The following BACH2 variants were observed in gnomAD, a reference collection of about 807,000 sequenced individuals.
BACH2 encodes transcription regulator protein BACH2.
A neutral mutation model predicts 61.8 loss-of-function variants in BACH2; 5 were observed. The ratio of observed to expected loss-of-function variants is 0.08; its 90% CI spans 0.04 to 0.17. The LOEUF is 0.17. Ranked by LOEUF, BACH2 falls within the 10% of genes least tolerant of loss-of-function variation. The probability of loss-of-function intolerance (pLI) is 1.00; values close to 1 mark genes in which losing one functional copy is unlikely to be tolerated. For missense variants in BACH2, 824 were observed against 1,091.1 expected (o/e 0.76, Z 3.45); for synonymous variants, 446 against 440.1 (o/e 1.01, Z -0.17).
At chr6:90,243,046 ATTTTTTTTTT>A (rs397886318) in intron 3 of BACH2, among the ~76,000 whole-genome samples, 3 of 101,230 alleles carry the variant, frequency 3.0e-5, no homozygotes, top group Non-Finnish European at 4.1e-5. Context: ...TGCCCGGCTA[ATTTTTTTTTT>A]TTTTTTTTTT....
chr6:90,230,561 T>C (rs866791345), intron 3 of BACH2, among the ~76,000 whole-genome samples: 4 of 152,222 alleles, frequency 2.6e-5, no homozygotes, highest in African/African-American at 9.6e-5. Flanking sequence ...ATGGCAGCCT[T>C]TGCTTCAGAA....
At chr6:90,113,421 A>G (rs973899370) in intron 4 of BACH2, among the ~76,000 whole-genome samples, 8 of 152,228 alleles carry the variant, frequency 5.3e-5, no homozygotes, top group African/African-American at 1.4e-4. Flanking sequence ...TAAAAATAGA[A>G]GTCAACACAA....
chr6:90,063,865 T>A (rs1166294847), intron 5 of BACH2, among the ~76,000 whole-genome samples: 1 of 152,216 alleles, frequency 6.6e-6, no homozygotes, highest in Non-Finnish European at 1.5e-5. Flanking sequence ...TTTTTTCATC[T>A]AATGATATTT....
intron 4 of BACH2, among the ~76,000 whole-genome samples, chr6:90,124,902 T>G (rs1783783909): frequency 6.6e-6 from 1 of 152,180 alleles, no homozygotes; most frequent in Non-Finnish European, 1.5e-5. Context: ...TCCCTCACAC[T>G]CTTGCCAACA....
intron 4 of BACH2, among the ~76,000 whole-genome samples, chr6:90,124,420 G>C (rs1443640771): frequency 1.3e-5 from 2 of 152,146 alleles, no homozygotes; most frequent in African/African-American, 4.8e-5. Context: ...ACTTTAACCT[G>C]CTACTCAGAG....
At chr6:90,074,282 T>C (rs1173250450) in intron 5 of BACH2, among the ~76,000 whole-genome samples, 6 of 152,196 alleles carry the variant, frequency 3.9e-5, no homozygotes, top group African/African-American at 1.4e-4. Flanking sequence ...CCTTATGTCA[T>C]ATGTGAACAA....
intron 4 of BACH2, among the ~76,000 whole-genome samples, chr6:90,202,217 G>C (rs2127848021): frequency 6.6e-6 from 1 of 152,288 alleles, no homozygotes; most frequent in Middle Eastern, 3.4e-3. Flanking sequence ...GTATATGCCA[G>C]GTTTGGGGTG....
rs1754077942 is a variant in BACH2, at chr6:90,052,740, G to T, written c.-13+36221C>A. 1.3e-5 allele frequency among the ~76,000 whole-genome samples: 2 copies of T among 152,204 alleles called. 1 individual carries two copies. Among genetic ancestry groups the T allele is most frequent in the Non-Finnish European group, 2.9e-5 (2 of 68,040 alleles). ...CCAGCCCTTAAAGTCTATTTTGACT[G>T]ATATCAACAAAGCTACATAGCTCCT... On this transcript the variant is annotated intron_variant, in intron 5 of 8. Transcript: ENST00000257749.
intron 5 of BACH2, among the ~76,000 whole-genome samples, chr6:90,082,019 A>G (rs1781747162): frequency 6.6e-6 from 1 of 152,158 alleles, no homozygotes; most frequent in African/African-American, 2.4e-5. Context: ...AAAGGATGCA[A>G]AGTTAAAGGA....
intron 5 of BACH2, among the ~76,000 whole-genome samples, chr6:90,076,253 C>T (rs1421866131): frequency 4.0e-5 from 6 of 151,870 alleles, no homozygotes; most frequent in African/African-American, 1.5e-4. Context: ...TGTTACCGAG[C>T]GAATGAGGAT....
intron 5 of BACH2, among the ~76,000 whole-genome samples, chr6:90,077,717 A>C (rs1036185118): frequency 1.3e-5 from 2 of 152,200 alleles, no homozygotes; most frequent in Non-Finnish European, 2.9e-5. Context: ...TCTGTCCTGT[A>C]TTTTAATTCC....
intron 3 of BACH2, among the ~76,000 whole-genome samples, chr6:90,245,818 T>A (rs183779137): frequency 3.9e-4 from 60 of 152,302 alleles, no homozygotes; most frequent in African/African-American, 1.3e-3. Flanking sequence ...CATATTTGGA[T>A]TAAAATATTT....
At chr6:89,988,769 C>T (rs144363841) in intron 6 of BACH2, among the ~76,000 whole-genome samples, 181 of 152,244 alleles carry the variant, frequency 1.2e-3, no homozygotes, top group Non-Finnish European at 1.9e-3. Flanking sequence ...GAAAGAAAAT[C>T]GTTTCTTATG....
At chr6:90,217,309 T>A (rs935840741) in intron 3 of BACH2, among the ~76,000 whole-genome samples, 1 of 152,166 alleles carries the variant, frequency 6.6e-6, no homozygotes, top group African/African-American at 2.4e-5. Flanking sequence ...ACTAAAACCG[T>A]CTAAATAACC....
intron 4 of BACH2, among the ~76,000 whole-genome samples, chr6:90,141,580 A>G (rs1458087873): frequency 6.6e-6 from 1 of 151,872 alleles, no homozygotes; most frequent in Non-Finnish European, 1.5e-5. Context: ...CATTTTACCA[A>G]TGAGAATACA....
chr6:89,955,842 T>G (rs1774397878), intron 6 of BACH2, among the ~76,000 whole-genome samples: 1 of 152,194 alleles, frequency 6.6e-6, no homozygotes, highest in African/African-American at 2.4e-5. Flanking sequence ...CTTTTTGTTC[T>G]TAACAAATAA....
At position 90,110,683 on chromosome 6, in the gene BACH2, C is replaced by T. The variant is rs76908129; in HGVS notation, c.-161-21574G>A. Reference sequence around the variant, plus strand: ...TCTTGAAGTATCAGGGCACTTCATTCATTTTTGATAAAAGATCTGTCAAAC... The same window carrying T: ...TCTTGAAGTATCAGGGCACTTCATTTATTTTTGATAAAAGATCTGTCAAAC... On this transcript the variant is annotated intron_variant, in intron 4 of 8. Coordinates refer to ENST00000257749, the MANE Select transcript of BACH2 (RefSeq NM_021813.4). Among the ~76,000 whole-genome samples the T allele has an allele frequency of 2.4e-3, 359 of 152,296 alleles. 5 individuals are homozygous for T. Among genetic ancestry groups the T allele is most frequent in the African/African-American group, 8.1e-3 (336 of 41,552 alleles).
chr6:90,031,892 T>C (rs372698484), intron 5 of BACH2, among the ~76,000 whole-genome samples: 1 of 152,104 alleles, frequency 6.6e-6, no homozygotes, highest in Non-Finnish European at 1.5e-5. Context: ...GAGCCCGCAT[T>C]GCCAAGTCAA....
At chr6:90,024,900 A>T (rs2127786007) in intron 5 of BACH2, among the ~76,000 whole-genome samples, 1 of 152,210 alleles carries the variant, frequency 6.6e-6, no homozygotes, top group East Asian at 1.9e-4. Context: ...CCATGGCCAA[A>T]ACAGTGCTCT....
Sources: allele counts gnomAD v4.1 joint callset (sites outside exome capture counted in the v4.1 genomes callset), GRCh38; gene constraint gnomAD v4.1.1; transcripts MANE v1.5; gene names NCBI Gene and HGNC (gene_info 2026-07-23, HGNC 2026-07-21).